The following PRRC2C variants were observed in gnomAD, a reference collection of about 807,000 sequenced individuals.
PRRC2C encodes proline rich coiled-coil 2C, also known as protein PRRC2C.
In PRRC2C, 72 loss-of-function variants were observed where a neutral mutation model predicts 317.2. That is an observed-to-expected ratio of 0.23 (90% CI 0.19 to 0.28). The LOEUF (loss-of-function observed/expected upper bound fraction) is 0.28, where lower values mean the gene tolerates loss of function less well. Among genes scored for constraint, PRRC2C ranks in the 10% least tolerant of loss-of-function variants. PRRC2C has a pLI of 1.00. For missense variants in PRRC2C, 3,074 were observed against 3,459.7 expected (o/e 0.89, Z 2.80); for synonymous variants, 1,296 against 1,205.9 (o/e 1.07, Z -1.55).
chr1:171,560,450 A>G (rs1682449594), intron 19 of PRRC2C, among the ~76,000 whole-genome samples: 1 of 152,232 alleles, frequency 6.6e-6, no homozygotes, highest in African/African-American at 2.4e-5. Context: ...ACAGTATCAC[A>G]TGCTACAGAG....
chr1:171,524,981 GGA>G lies in PRRC2C; in HGVS notation c.1200+19_1200+20del. On this transcript the variant is annotated intron_variant, in intron 10 of 34. Transcript: ENST00000647382. ...ATTTAATCAGGTTTGTTGGACTCATGGAGATCCTTGTTATTGCAAGGATCTCC... is the reference window on the plus strand; with the variant it reads ...ATTTAATCAGGTTTGTTGGACTCATGGATCCTTGTTATTGCAAGGATCTCC... The G allele has an allele frequency of 6.4e-7, 1 of 1,562,476 alleles. No individual in the cohort carries two copies. The highest frequency in any genetic ancestry group is 1.9e-5 in the Admixed American group (1 of 52,262).
At chr1:171,532,100 G>A (rs1448305979) in intron 11 of PRRC2C, among the ~76,000 whole-genome samples, 3 of 152,204 alleles carry the variant, frequency 2.0e-5, no homozygotes, top group African/African-American at 4.8e-5. Context: ...GAGCAACAAC[G>A]TCTGGCACAA....
At chr1:171,496,772 G>GGGGT (rs1381467402) in intron 1 of PRRC2C, among the ~76,000 whole-genome samples, 1 of 90,640 alleles carries the variant, frequency 1.1e-5, no homozygotes, top group African/African-American at 4.2e-5. Context: ...ATACATTTGG[G>GGGGT]GCGTGTGTGT....
chr1:171,568,950 T>C (rs894895740), intron 23 of PRRC2C, among the ~76,000 whole-genome samples: 2 of 152,226 alleles, frequency 1.3e-5, no homozygotes, highest in Non-Finnish European at 2.9e-5. Context: ...AGCAACCATG[T>C]TACTAATATA....
rs1266382769 is a variant in PRRC2C at position 171,540,217 on chromosome 1, A to G, written c.2751A>G (p.Val917=). The G allele has an allele frequency of 6.2e-7, 1 of 1,613,954 alleles. No individual in the cohort carries two copies. The highest frequency in any genetic ancestry group is 2.2e-5 in the East Asian group (1 of 44,864). The change falls in exon 16 of 35, where the codon GTA becomes GTG. Residue 917 remains valine, a synonymous_variant. Transcript: ENST00000647382. ...CTCAAGAGGAGCGGATTTCAGCTGT[A>G]GAAAGTCAGCCTTCCCGGAAAAGAA... ...SAPQEERISA[V]ESQPSRKRSV...
At chr1:171,587,463 G>T (rs553038801) in intron 31 of PRRC2C, among the ~76,000 whole-genome samples, 185 bp from the exon 32 acceptor site, 26 of 151,964 alleles carry the variant, frequency 1.7e-4, no homozygotes, top group Admixed American at 5.2e-4. Flanking sequence ...GTGTCTCTTG[G>T]GCTTATTTAA....
chr1:171,494,727 C>T (rs1194681516), intron 1 of PRRC2C, among the ~76,000 whole-genome samples: 1 of 152,128 alleles, frequency 6.6e-6, no homozygotes, highest in Non-Finnish European at 1.5e-5. Flanking sequence ...TTTCGCCTTC[C>T]GTGATCTACA....
chr1:171,585,237 A>G (rs1185337199), intron 30 of PRRC2C, among the ~76,000 whole-genome samples: 1 of 152,222 alleles, frequency 6.6e-6, no homozygotes, highest in Non-Finnish European at 1.5e-5. Flanking sequence ...TGGTTTACCC[A>G]TTAGTGCTAG....
At chr1:171,506,687 T>TTGTGTA (rs1553206679) in intron 1 of PRRC2C, among the ~76,000 whole-genome samples, 288 of 136,658 alleles carry the variant, frequency 2.1e-3, no homozygotes, top group African/African-American at 7.8e-3. Context: ...TTTTTTTTCT[T>TTGTGTA]TGTGTGTGTG....
intron 3 of PRRC2C, 109 bp downstream of exon 3, chr1:171,513,281 C>A: frequency 8.7e-7 from 1 of 1,146,734 alleles, no homozygotes; most frequent in South Asian, 1.6e-5. Context: ...TTACATATTA[C>A]ATATTTTATA....
At chr1:171,544,018 AG>A (rs1322832030) in intron 16 of PRRC2C, among the ~76,000 whole-genome samples, 1 of 152,208 alleles carries the variant, frequency 6.6e-6, no homozygotes. Context: ...TCCATTCAGA[AG>A]GGCAGAGCCC....
chr1:171,532,594 T>G lies in PRRC2C; in HGVS notation c.1506T>G (p.Ser502=), dbSNP rs371537113. Residue 502 remains serine, a synonymous_variant, in exon 12 of 35, where the codon TCT becomes TCG. Coordinates refer to ENST00000647382, the MANE Select transcript of PRRC2C (RefSeq NM_001387844.1). The stretch of plus-strand genomic sequence containing the variant: ...TTGGCATCCTGGAAAAACAACCATC[T>G]CCAGAGGAAATTAGGGAAAGGGAGC... ...EKLGILEKQP[S]PEEIRERERE... The G allele has an allele frequency of 8.1e-5, 126 of 1,557,666 alleles. 2 individuals carry two copies. Among genetic ancestry groups the G allele is most frequent in the South Asian group, 1.3e-4 (11 of 84,458 alleles).
intron 9 of PRRC2C, among the ~76,000 whole-genome samples, chr1:171,523,747 C>T (rs1281625491): frequency 6.6e-6 from 1 of 151,940 alleles, no homozygotes; most frequent in Non-Finnish European, 1.5e-5. Context: ...TATTTAAAAA[C>T]ATTTAGGGCT....
intron 17 of PRRC2C, among the ~76,000 whole-genome samples, chr1:171,546,409 G>A (rs757772373): frequency 1.6e-4 from 24 of 152,200 alleles, no homozygotes; most frequent in Non-Finnish European, 3.1e-4. Flanking sequence ...TGGGTTAGTT[G>A]CAGTTATTCT....
chr1:171,509,567 T>A (rs6700683), intron 1 of PRRC2C: 77,368 of 151,808 alleles, frequency 0.51, 20,328 homozygotes, highest in South Asian at 0.71. Flanking sequence ...TTTTTTTTTT[T>A]AAAAAAGAGT....
intron 1 of PRRC2C, among the ~76,000 whole-genome samples, chr1:171,496,199 C>CTTTTTTTTTTTTTTTTTGTTTTT (rs1668062135): frequency 1.3e-5 from 1 of 75,662 alleles, no homozygotes; most frequent in Non-Finnish European, 2.2e-5. Context: ...ATTTTTGTGC[C>CTTTTTTTTTTTTTTTTTGTTTTT]TTTTTTTTTT....
At chr1:171,585,084 G>A (rs1011433193) in intron 30 of PRRC2C, among the ~76,000 whole-genome samples, 1 of 151,630 alleles carries the variant, frequency 6.6e-6, no homozygotes, top group African/African-American at 2.4e-5. Flanking sequence ...GCTGCTTTTT[G>A]TTTTTTGTTT....
chr1:171,553,938 A>G (rs1680819324), intron 18 of PRRC2C, among the ~76,000 whole-genome samples: 1 of 152,180 alleles, frequency 6.6e-6, no homozygotes, highest in Non-Finnish European at 1.5e-5. Flanking sequence ...AAGAATGTAT[A>G]TTCTGTTGAT....
At position 171,535,724 on chromosome 1, in the gene PRRC2C, T is replaced by C. The variant is rs902886339; in HGVS notation, c.2043+127T>C. 4.9e-6 allele frequency: 6 copies of C among 1,233,716 alleles called. No homozygotes were observed. The South Asian group carries it at 5.9e-5, about 12-fold the overall frequency. The allele number at this position is 1,233,716 out of a possible 1,614,324, so 76.4% of individuals were successfully genotyped here. ...AAGTTCCCTTGAAATTATTTTTCCT[T>C]GTAAATAAAAGTTAACGTGGGTTTT... On this transcript the variant is annotated intron_variant, in intron 13 of 34. Coordinates refer to ENST00000647382, the MANE Select transcript of PRRC2C (RefSeq NM_001387844.1).
Sources: allele counts gnomAD v4.1 joint callset (sites outside exome capture counted in the v4.1 genomes callset), GRCh38; gene constraint gnomAD v4.1.1; transcripts MANE v1.5; gene names NCBI Gene and HGNC (gene_info 2026-07-23, HGNC 2026-07-21).